The following ALOX12 variants were observed in gnomAD, a reference collection of about 807,000 sequenced individuals.
ALOX12 encodes the protein arachidonate 12-lipoxygenase, 12S type, also known as polyunsaturated fatty acid lipoxygenase ALOX12.
A neutral mutation model predicts 85.5 loss-of-function variants in ALOX12; 62 were observed. The ratio of observed to expected loss-of-function variants is 0.73; its 90% CI spans 0.59 to 0.90. ALOX12 has a LOEUF of 0.90. Among genes scored for constraint, ALOX12 ranks in the 40% least tolerant of loss-of-function variants. The probability of loss-of-function intolerance (pLI) is 0.00; values close to 1 mark genes in which losing one functional copy is unlikely to be tolerated. For missense variants in ALOX12, 751 were observed against 856.5 expected, an observed-to-expected ratio of 0.88 and a Z score of 1.54; for synonymous variants, 299 against 332.7, an observed-to-expected ratio of 0.90 and a Z score of 1.10.
In ALOX12 at chr17:7,000,802, G is replaced by A. The variant is rs1250511529; in HGVS notation, c.951+323G>A. Among the ~76,000 whole-genome samples, 1 of 152,046 alleles carries A rather than the reference G, an allele frequency of 6.6e-6. No individual in the cohort carries two copies. The highest frequency in any genetic ancestry group is 1.5e-5 in the Non-Finnish European group (1 of 68,022). ...AGACTTTCTGATTCAGTATGTCTGG[G>A]GTGGGAACTAAGAGTTTGCGTTTTT... On this transcript the variant is annotated intron_variant, in intron 7 of 13. Coordinates refer to ENST00000251535, the MANE Select transcript of ALOX12 (RefSeq NM_000697.3). This position sits in a 1 kb window ranked among gnomAD's most constrained non-coding sequence, Gnocchi z 4.6.
chr17:7,001,834 A>C, intron 8 of ALOX12, 23 bp downstream of exon 8: 1 of 1,600,992 alleles, frequency 6.2e-7, no homozygotes, highest in East Asian at 2.2e-5. Context: ...CTATTAAATC[A>C]CATATCCCTC....
Position 7,005,838 on chromosome 17 carries a change from C to T in ALOX12, c.1249-20C>T, listed in dbSNP as rs1909015676. 1.2e-6 allele frequency: 2 copies of T among 1,606,750 alleles called. No individual in the cohort carries two copies. Among genetic ancestry groups the T allele is most frequent in the African/African-American group, 1.3e-5 (1 of 74,732 alleles). On this transcript the variant is annotated intron_variant, in intron 9 of 13. Coordinates refer to ENST00000251535, the MANE Select transcript of ALOX12 (RefSeq NM_000697.3). ...TCCAGCCCTGTTTCCCCCTCTAAGA[C>T]CTGTGATCTCCTGTCCCAGGCAGTG... is the stretch of plus-strand genomic sequence containing the variant.
chr17:7,008,154 A>G (rs911071596), intron 11 of ALOX12, among the ~76,000 whole-genome samples: 1 of 152,238 alleles, frequency 6.6e-6, no homozygotes, highest in Non-Finnish European at 1.5e-5. Context: ...ACCTCCAAAT[A>G]CCATCACAAT....
Position 7,001,588 on chromosome 17 carries a change from T to G in ALOX12, c.952-14T>G, listed in dbSNP as rs774745539. ...TATACGGAATGGGAGTTCAATAATT[T>G]CTCTTTCTCCCAGATTCAGCCTCCC... On this transcript the variant is annotated splice_polypyrimidine_tract_variant and intron_variant, in intron 7 of 13. Coordinates refer to ENST00000251535, the MANE Select transcript of ALOX12 (RefSeq NM_000697.3). 5 of 1,602,966 alleles carry G rather than the reference T, an allele frequency of 3.1e-6. No individual in the cohort carries two copies. Among genetic ancestry groups the G allele is most frequent in the Non-Finnish European group, 3.4e-6 (4 of 1,170,160 alleles).
chr17:6,997,803 G>A (rs754356572), intron 2 of ALOX12, among the ~76,000 whole-genome samples: 10 of 151,904 alleles, frequency 6.6e-5, no homozygotes, highest in Non-Finnish European at 1.3e-4. Context: ...CTCGTGATCC[G>A]CCCTCCTTGG....
Position 7,000,553 on chromosome 17 carries a change from C to T in ALOX12, c.951+74C>T. 1 of 1,550,456 alleles carries T rather than the reference C, an allele frequency of 6.4e-7. No individual in the cohort carries two copies. ...CCTCTGCTCCCAGGGACCCAACCCC[C>T]AGCTCTTGGCTCCCAAACCCCATCC... On this transcript the variant is annotated intron_variant, in intron 7 of 13. Transcript: ENST00000251535. This position sits in a 1 kb window ranked among gnomAD's most constrained non-coding sequence, Gnocchi z 4.6.
chr17:7,007,719 A>G (rs1909156752), intron 11 of ALOX12, among the ~76,000 whole-genome samples: 1 of 152,120 alleles, frequency 6.6e-6, no homozygotes, highest in South Asian at 2.1e-4. Context: ...CGTCTCTACT[A>G]AAAATACAAA....
chr17:7,007,666 G>T (rs530807614), intron 11 of ALOX12, among the ~76,000 whole-genome samples: 21 of 152,048 alleles, frequency 1.4e-4, no homozygotes, highest in Non-Finnish European at 2.8e-4. Flanking sequence ...GGTGGATCAC[G>T]AGGTCAGGAG....
chr17:6,996,199 G>T lies in ALOX12; in HGVS notation c.82G>T (p.Gly28Trp). 1 of 1,251,588 alleles carries T rather than the reference G, an allele frequency of 8.0e-7. No homozygotes were observed. Among genetic ancestry groups the T allele is most frequent in the South Asian group, 3.9e-5 (1 of 25,574 alleles). 77.5% of individuals were successfully genotyped at this position (1,251,588 alleles called of 1,614,324 possible). ...SYNRVQLWLV[G>W]TRGEAELELQ... ...CAACCGCGTGCAGCTTTGGCTGGTC[G>T]GGACGCGCGGGGAGGCGGAGCTGGA... The change falls in exon 1 of 14, where the codon GGG (glycine) becomes TGG (tryptophan). Residue 28 changes from glycine to tryptophan, a missense_variant. Gly to Trp is a radical substitution (Grantham distance 184). Coordinates refer to ENST00000251535, the MANE Select transcript of ALOX12 (RefSeq NM_000697.3).
rs1206643042 is a variant in ALOX12 at position 7,001,888 on chromosome 17, G to A, written c.1161+77G>A. ...CAGCCCCATATCAAAAGATATTGCA[G>A]CAGCAAAAACTCTTTGTAGCAATTT... On this transcript the variant is annotated intron_variant, in intron 8 of 13. Coordinates refer to ENST00000251535, the MANE Select transcript of ALOX12 (RefSeq NM_000697.3). 16 of 1,329,204 alleles carry A rather than the reference G, an allele frequency of 1.2e-5. No individual in the cohort carries two copies. In the East Asian group the frequency reaches 3.3e-4, roughly 27 times the overall value. 82.3% of individuals were successfully genotyped at this position (1,329,204 alleles called of 1,614,324 possible). A position where few individuals can be genotyped will look rare whatever the true frequency, so the allele number is the denominator to read the frequency against.
rs376641311 is a variant in ALOX12, at chr17:7,006,571, A to T, written c.1504A>T (p.Ile502Phe). The T allele has an allele frequency of 8.1e-5, 131 of 1,612,502 alleles. No homozygotes were observed. Among genetic ancestry groups the T allele is most frequent in the Admixed American group, 1.2e-4 (7 of 59,748 alleles). Residue 502 changes from isoleucine (I) to phenylalanine (F), a missense_variant, in exon 11 of 14, where the codon ATC becomes TTC. Coordinates refer to ENST00000251535, the MANE Select transcript of ALOX12 (RefSeq NM_000697.3). The part of the protein sequence containing the change: ...DPELQAWCRE[I>F]TEVGLCQAQD... ...TGAGCTGCAGGCCTGGTGTCGGGAGATCACGGAGGTGGGGCTGTGCCAGGC... is the reference window on the plus strand; with the variant it reads ...TGAGCTGCAGGCCTGGTGTCGGGAGTTCACGGAGGTGGGGCTGTGCCAGGC...
Position 7,010,465 on chromosome 17 carries a change from A to G in ALOX12, c.*42A>G. 1 of 1,581,194 alleles carries G rather than the reference A, an allele frequency of 6.3e-7. No homozygotes were observed. The highest frequency in any genetic ancestry group is 8.6e-7 in the Non-Finnish European group (1 of 1,162,916). On this transcript the variant is annotated 3_prime_UTR_variant, in exon 14 of 14. Coordinates refer to ENST00000251535, the MANE Select transcript of ALOX12 (RefSeq NM_000697.3). ...ACCTGCAAGATTTCACATCAGCTTTAGGACTGACATTTCTATCTTGAATTT... is the reference window on the plus strand; with the variant it reads ...ACCTGCAAGATTTCACATCAGCTTTGGGACTGACATTTCTATCTTGAATTT...
At chr17:7,002,967 C>A (rs1035613164) in intron 8 of ALOX12, among the ~76,000 whole-genome samples, 8 of 152,114 alleles carry the variant, frequency 5.3e-5, no homozygotes, top group Non-Finnish European at 1.0e-4. Context: ...TCCACCAAGA[C>A]CCCCCAAGCC....
At chr17:7,004,886 A>G (rs1908958980) in intron 8 of ALOX12, among the ~76,000 whole-genome samples, 1 of 152,236 alleles carries the variant, frequency 6.6e-6, no homozygotes, top group Non-Finnish European at 1.5e-5. Context: ...GACAGCTACT[A>G]TTCCAGGACT....
chr17:7,010,562 C>CCTGGGCTAGTGGGAT lies in ALOX12; in HGVS notation c.*139_*140insCTGGGCTAGTGGGAT. 1 of 1,071,998 alleles carries CCTGGGCTAGTGGGAT rather than the reference C, an allele frequency of 9.3e-7. No individual in the cohort carries two copies. Among genetic ancestry groups the CCTGGGCTAGTGGGAT allele is most frequent in the Non-Finnish European group, 1.3e-6 (1 of 770,506 alleles). 66.4% of individuals were successfully genotyped at this position (1,071,998 alleles called of 1,614,324 possible). ...AGTTAAACCCCCTACATTAGTATCC[C>CCTGGGCTAGTGGGAT]ACTAGCCCAGGGGAGCAGTAAACTT... On this transcript the variant is annotated 3_prime_UTR_variant, in exon 14 of 14. Transcript: ENST00000251535.
chr17:6,999,336 A>C lies in ALOX12; in HGVS notation c.677A>C (p.Glu226Ala), dbSNP rs567767884. Residue 226 changes from glutamate (E) to alanine (A), a missense_variant, in exon 6 of 14, where the codon GAG (glutamate) becomes GCG (alanine). Coordinates refer to ENST00000251535, the MANE Select transcript of ALOX12 (RefSeq NM_000697.3). ...GTTCGCCAGTGCTGGCAGGATGATGAGTTGTTCAGCTACCAGTTCCTCAAT... is the reference window on the plus strand; with the variant it reads ...GTTCGCCAGTGCTGGCAGGATGATGCGTTGTTCAGCTACCAGTTCCTCAAT... ...EKVRQCWQDDELFSYQFLNGA... is the reference protein window; with the variant it reads ...EKVRQCWQDDALFSYQFLNGA... 6.9e-5 allele frequency: 111 copies of C among 1,614,200 alleles called. No individual in the cohort carries two copies. In the South Asian group the frequency reaches 1.1e-3, roughly 16 times the overall value.
At chr17:7,005,050 G>A (rs1020219443) in intron 8 of ALOX12, among the ~76,000 whole-genome samples, 1 of 152,182 alleles carries the variant, frequency 6.6e-6, no homozygotes, top group Admixed American at 6.5e-5. Flanking sequence ...GGAGTAAAGT[G>A]TAGGTTAAAA....
chr17:7,007,389 A>G (rs1313021339), intron 11 of ALOX12, among the ~76,000 whole-genome samples: 1 of 152,178 alleles, frequency 6.6e-6, no homozygotes, highest in African/African-American at 2.4e-5. Context: ...CTAGGCTGTG[A>G]ATACCATCCT....
In ALOX12 at chr17:7,010,067, C is replaced by T. The variant is rs1280933752; in HGVS notation, c.1753C>T (p.Arg585Trp). ...ATVMGSLPDV[R>W]QACLQMAISW... ...AGTGATGGGGTCACTACCTGATGTC[C>T]GGCAGGCCTGTCTTCAAATGGCCAT... The change falls in exon 13 of 14, where the codon CGG becomes TGG. Residue 585 changes from arginine (R) to tryptophan (W), a missense_variant. By Grantham distance (101) the Arg-to-Trp change is moderately radical. Coordinates refer to ENST00000251535, the MANE Select transcript of ALOX12 (RefSeq NM_000697.3). The T allele has an allele frequency of 5.6e-6, 9 of 1,614,118 alleles. No individual in the cohort carries two copies. The highest frequency in any genetic ancestry group is 3.3e-5 in the Admixed American group (2 of 60,002).
Sources: allele counts gnomAD v4.1 joint callset (sites outside exome capture counted in the v4.1 genomes callset), GRCh38; gene constraint gnomAD v4.1.1; non-coding constraint Gnocchi (gnomAD v3.1); transcripts MANE v1.5; gene names NCBI Gene and HGNC (gene_info 2026-07-23, HGNC 2026-07-21).